GALNT13: variants seen among roughly 807,000 people sequenced by gnomAD.
The protein encoded by GALNT13 is UDP-GalNAc:polypeptide N-acetylgalactosaminyltransferase 13.
Under a neutral mutation model 64.2 loss-of-function variants are expected in GALNT13, and 28 were observed. That is an observed-to-expected ratio of 0.44 (90% CI 0.32 to 0.60). The LOEUF (loss-of-function observed/expected upper bound fraction) is 0.60. GALNT13 is among the 20% of genes least tolerant of loss of function. GALNT13 has a pLI of 0.05. For missense variants in GALNT13, 577 were observed against 669.8 expected, an observed-to-expected ratio of 0.86 and a Z score of 1.53; for synonymous variants, 214 against 224.6, an observed-to-expected ratio of 0.95 and a Z score of 0.42.
intron 3 of GALNT13, among the ~76,000 whole-genome samples, chr2:153,993,828 G>A (rs754044094): frequency 2.6e-5 from 4 of 151,906 alleles, no homozygotes; most frequent in Non-Finnish European, 4.4e-5. Flanking sequence ...TAAACCCCCT[G>A]TGCAACCATG....
the GALNT13 span, among the ~76,000 whole-genome samples, chr2:153,191,308 T>G: frequency 3.3e-5 from 5 of 152,120 alleles, no homozygotes; most frequent in South Asian, 6.2e-4. Flanking sequence ...ATCAGATGCT[T>G]TTTCTTCACC....
At chr2:153,887,132 A>G (rs975763919) in intron 1 of GALNT13, among the ~76,000 whole-genome samples, 3 of 151,916 alleles carry the variant, frequency 2.0e-5, no homozygotes, top group Non-Finnish European at 4.4e-5. Context: ...AGTGCTTTAC[A>G]TAACATTAAC....
chr2:153,075,458 A>ATTC, the GALNT13 span, among the ~76,000 whole-genome samples: 8 of 152,176 alleles, frequency 5.3e-5, no homozygotes, highest in African/African-American at 1.9e-4. Flanking sequence ...CTGTCTTAGA[A>ATTC]TAATATCAAC....
At chr2:153,850,134 G>A in the GALNT13 span, among the ~76,000 whole-genome samples, 1 of 150,826 alleles carries the variant, frequency 6.6e-6, no homozygotes, top group Non-Finnish European at 1.5e-5. Context: ...AGCCGAGACC[G>A]CGCCACTGCA....
intron 4 of GALNT13, among the ~76,000 whole-genome samples, chr2:154,196,869 G>A (rs771461402): frequency 1.2e-4 from 19 of 152,086 alleles, no homozygotes; most frequent in Admixed American, 3.3e-4. Context: ...CAATATCTTT[G>A]CTAGGTGGTC....
intron 9 of GALNT13, among the ~76,000 whole-genome samples, chr2:154,331,626 G>A (rs77740630): frequency 0.023 from 3,523 of 152,068 alleles, 131 homozygotes; most frequent in African/African-American, 0.08. Context: ...ATAAATTTCT[G>A]GGGAGTTAGT....
chr2:154,207,752 G>GTC, intron 4 of GALNT13, among the ~76,000 whole-genome samples: 1 of 152,260 alleles, frequency 6.6e-6, no homozygotes, highest in East Asian at 1.9e-4. Context: ...GAGACCAGAA[G>GTC]TCTCTAACTG....
At chr2:153,319,863 G>C in the GALNT13 span, among the ~76,000 whole-genome samples, 2 of 152,114 alleles carry the variant, frequency 1.3e-5, no homozygotes, top group Non-Finnish European at 2.9e-5. Context: ...AGGAATCAGG[G>C]GAGAGGGAAG....
At chr2:154,391,402 T>C (rs1322619692) in intron 9 of GALNT13, among the ~76,000 whole-genome samples, 1 of 152,154 alleles carries the variant, frequency 6.6e-6, no homozygotes, top group Non-Finnish European at 1.5e-5. Flanking sequence ...TGGAGCTTGT[T>C]AGAAATATGG....
At chr2:153,160,995 A>G in the GALNT13 span, among the ~76,000 whole-genome samples, 3 of 152,186 alleles carry the variant, frequency 2.0e-5, no homozygotes, top group African/African-American at 4.8e-5. Flanking sequence ...AGGGTTGGCT[A>G]GGCTAGCAGA....
chr2:153,403,825 G>A, the GALNT13 span, among the ~76,000 whole-genome samples: 1 of 152,172 alleles, frequency 6.6e-6, no homozygotes, highest in African/African-American at 2.4e-5. Flanking sequence ...TGCGCCCACT[G>A]TCTGGCACTC....
chr2:153,612,481 A>T, the GALNT13 span, among the ~76,000 whole-genome samples: 1 of 152,208 alleles, frequency 6.6e-6, no homozygotes, highest in African/African-American at 2.4e-5. Context: ...GGATTTGACT[A>T]CATGAAAATT....
chr2:153,596,951 T>G, the GALNT13 span, among the ~76,000 whole-genome samples: 4 of 152,122 alleles, frequency 2.6e-5, no homozygotes, highest in Non-Finnish European at 5.9e-5. Context: ...AAATTTTAAA[T>G]ATCTGTTATA....
chr2:153,102,932 A>G, the GALNT13 span, among the ~76,000 whole-genome samples: 1 of 152,158 alleles, frequency 6.6e-6, no homozygotes, highest in East Asian at 1.9e-4. Flanking sequence ...CCTCCTTTAC[A>G]TAACCAGTAA....
At chr2:153,358,816 C>T in the GALNT13 span, among the ~76,000 whole-genome samples, 1 of 152,080 alleles carries the variant, frequency 6.6e-6, no homozygotes. Context: ...ATAAATCACT[C>T]CTCCCGATTT....
At chr2:153,670,303 C>T in the GALNT13 span, among the ~76,000 whole-genome samples, 7 of 152,136 alleles carry the variant, frequency 4.6e-5, no homozygotes, top group African/African-American at 1.7e-4. Flanking sequence ...GGCTGACAGA[C>T]ATTTCATACA....
chr2:153,890,064 C>T (rs1462044364), intron 1 of GALNT13, among the ~76,000 whole-genome samples: 1 of 151,660 alleles, frequency 6.6e-6, no homozygotes, highest in Middle Eastern at 3.2e-3. Flanking sequence ...ATTATTTTCT[C>T]AATCAGGAAA....
At chr2:154,228,097 G>T (rs962956639) in intron 4 of GALNT13, among the ~76,000 whole-genome samples, 14 of 152,166 alleles carry the variant, frequency 9.2e-5, no homozygotes, top group African/African-American at 3.1e-4. Flanking sequence ...TGAAATAGAT[G>T]ATTCTTATGA....
intron 9 of GALNT13, among the ~76,000 whole-genome samples, chr2:154,389,632 T>C (rs1404131890): frequency 6.6e-6 from 1 of 152,270 alleles, no homozygotes; most frequent in Non-Finnish European, 1.5e-5. Context: ...ATTATTATCA[T>C]TGAAATGCCA....
Sources: allele counts gnomAD v4.1 joint callset (sites outside exome capture counted in the v4.1 genomes callset), GRCh38; gene constraint gnomAD v4.1.1; transcripts MANE v1.5; gene names NCBI Gene and HGNC (gene_info 2026-07-23, HGNC 2026-07-21).